Variants in C17orf113 observed in about 807,000 individuals in gnomAD.
The protein encoded by C17orf113 is uncharacterized protein C17orf113.
In C17orf113, 5 loss-of-function variants were observed where a neutral mutation model predicts 11.6. The ratio of observed to expected loss-of-function variants is 0.43; its 90% CI spans 0.23 to 0.91. C17orf113 has a LOEUF of 0.91. Ranked by LOEUF, C17orf113 falls within the 40% of genes least tolerant of loss-of-function variation. The pLI, the probability that C17orf113 is intolerant of heterozygous loss-of-function variation, is 0.26. For missense variants in C17orf113, 714 were observed against 841.3 expected, an observed-to-expected ratio of 0.85 and a Z score of 1.87; for synonymous variants, 327 against 390.6, an observed-to-expected ratio of 0.84 and a Z score of 1.92.
chr17:42,043,336 T>G lies in C17orf113; in HGVS notation c.41A>C (p.Asn14Thr). Residue 14 changes from asparagine (N) to threonine (T), a missense_variant, in exon 2 of 3, where the codon AAC becomes ACC. Asn to Thr is a moderately conservative substitution (Grantham distance 65). Coordinates refer to ENST00000587304, the MANE Select transcript of C17orf113 (RefSeq NM_001358661.2). ...PGKKPAGEAS[N>T]SNKKCKRYFN... ...GTAACGCTTACACTTCTTGTTGGAG[T>G]TGGAGGCCTCTCCCGCTGGTTTCTT... 8.1e-7 allele frequency: 1 copy of G among 1,232,212 alleles called. No homozygotes were observed. The highest frequency in any genetic ancestry group is 1.0e-6 in the Non-Finnish European group (1 of 988,012). 76.3% of individuals were successfully genotyped at this position (1,232,212 alleles called of 1,614,324 possible).
Position 42,043,185 on chromosome 17 carries a change from G to T in C17orf113, c.192C>A (p.Phe64Leu). 1 of 1,232,264 alleles carries T rather than the reference G, an allele frequency of 8.1e-7. No homozygotes were observed. Among genetic ancestry groups the T allele is most frequent in the Non-Finnish European group, 1.0e-6 (1 of 988,016 alleles). 76.3% of individuals were successfully genotyped at this position (1,232,264 alleles called of 1,614,324 possible). A position where few individuals can be genotyped will look rare whatever the true frequency, so the allele number is the denominator to read the frequency against. Residue 64 changes from phenylalanine to leucine, a missense_variant, in exon 2 of 3, where the codon TTC becomes TTA. Transcript: ENST00000587304. Reference sequence around the variant, plus strand: ...GCTGGAAGTTGTCTGTGCCCACAGTGAAGGCGTTTTCGGCTTTGCCATGCT... The same window carrying T: ...GCTGGAAGTTGTCTGTGCCCACAGTTAAGGCGTTTTCGGCTTTGCCATGCT... The part of the protein sequence containing the change: ...RNKHGKAENA[F>L]TVGTDNFQRH...
rs2053066874 is a variant in C17orf113 at position 42,043,147 on chromosome 17, AGCAGGGCGTGGCGCT to A, written c.215_229del (p.Gln72_Leu76del). On this transcript the variant is annotated inframe_deletion, in exon 2 of 3. Coordinates refer to ENST00000587304, the MANE Select transcript of C17orf113 (RefSeq NM_001358661.2). Reference sequence around the variant, plus strand: ...GTGGGCTCCTGAGGTCACGTGGCGCAGCAGGGCGTGGCGCTGGAAGTTGTCTGTGCCCACAGTGAA... The same window carrying A: ...GTGGGCTCCTGAGGTCACGTGGCGCAGGAAGTTGTCTGTGCCCACAGTGAA... 8.1e-7 allele frequency: 1 copy of A among 1,232,094 alleles called. No individual in the cohort carries two copies. The highest frequency in any genetic ancestry group is 1.6e-5 in the African/African-American group (1 of 64,414). The allele number at this position is 1,232,094 out of a possible 1,614,324, so 76.3% of individuals were successfully genotyped here.
intron 2 of C17orf113, among the ~76,000 whole-genome samples, chr17:42,041,685 C>G (rs1200157169): frequency 6.6e-6 from 1 of 152,144 alleles, no homozygotes; most frequent in African/African-American, 2.4e-5. Flanking sequence ...TAGGCACACT[C>G]ACTCCCAACT....
rs561004643 is a variant in C17orf113 at position 42,047,124 on chromosome 17, C to T, written c.-188+3433G>A. 3.5e-3 allele frequency among the ~76,000 whole-genome samples: 529 copies of T among 151,716 alleles called. 6 individuals carry two copies. Among genetic ancestry groups the T allele is most frequent in the African/African-American group, 0.012 (481 of 41,370 alleles). Reference sequence around the variant, plus strand: ...TCGGCTCACTGCAAACCCCACCTCCCGGGTTCACGCCATTCTCCTGCCTCA... The same window carrying T: ...TCGGCTCACTGCAAACCCCACCTCCTGGGTTCACGCCATTCTCCTGCCTCA... On this transcript the variant is annotated intron_variant, in intron 1 of 2. Coordinates refer to ENST00000587304, the MANE Select transcript of C17orf113 (RefSeq NM_001358661.2).
rs2053009594 is a variant in C17orf113 at position 42,041,130 on chromosome 17, A to G, written c.603T>C (p.Tyr201=). ...TGGTCTCGTCCAACACCAGCCCCACATATGGGGATGCCTTCAGGCGCTGGC... is the reference window on the plus strand; with the variant it reads ...TGGTCTCGTCCAACACCAGCCCCACGTATGGGGATGCCTTCAGGCGCTGGC... ...EACQRLKASP[Y]VGLVLDETRD... is the part of the protein sequence containing the mutation. The change falls in exon 3 of 3, where the codon TAT becomes TAC. Residue 201 remains tyrosine (Y), a synonymous_variant. Transcript: ENST00000587304. 8.1e-7 allele frequency: 1 copy of G among 1,232,162 alleles called. No homozygotes were observed. Among genetic ancestry groups the G allele is most frequent in the African/African-American group, 1.6e-5 (1 of 64,428 alleles). 76.3% of individuals were successfully genotyped at this position (1,232,162 alleles called of 1,614,324 possible). A position where few individuals can be genotyped will look rare whatever the true frequency, so the allele number is the denominator to read the frequency against.
chr17:42,041,396 C>T (rs1208950676), intron 2 of C17orf113, among the ~76,000 whole-genome samples: 1 of 152,190 alleles, frequency 6.6e-6, no homozygotes, highest in African/African-American at 2.4e-5. Context: ...ATCTCTACAG[C>T]TCCTGGCCTG....
At chr17:42,047,870 G>A (rs1046699763) in intron 1 of C17orf113, among the ~76,000 whole-genome samples, 7 of 151,696 alleles carry the variant, frequency 4.6e-5, no homozygotes, top group Non-Finnish European at 1.0e-4. Flanking sequence ...GGTCAGGCTG[G>A]TCTCGAACTC....
At chr17:42,046,542 G>A (rs1293848032) in intron 1 of C17orf113, among the ~76,000 whole-genome samples, 2 of 152,228 alleles carry the variant, frequency 1.3e-5, no homozygotes, top group Admixed American at 6.5e-5. Flanking sequence ...CAAGGCTATA[G>A]TGAGCTATGA....
At chr17:42,047,125 G>A (rs1555656684) in intron 1 of C17orf113, among the ~76,000 whole-genome samples, 1 of 150,654 alleles carries the variant, frequency 6.6e-6, no homozygotes, top group African/African-American at 2.5e-5. Flanking sequence ...CCCACCTCCC[G>A]GGTTCACGCC....
At chr17:42,045,310 C>T (rs1367013043) in intron 1 of C17orf113, among the ~76,000 whole-genome samples, 1 of 152,258 alleles carries the variant, frequency 6.6e-6, no homozygotes, top group Non-Finnish European at 1.5e-5. Flanking sequence ...CTCGGCCTCC[C>T]AAAGTGCTGG....
intron 2 of C17orf113, 53 bp from the exon 3 acceptor site, chr17:42,041,242 A>C: frequency 8.1e-7 from 1 of 1,227,944 alleles, no homozygotes; most frequent in South Asian, 4.2e-5. Flanking sequence ...GCTTGTCCTG[A>C]GAGGCGGAGG....
At chr17:42,043,672 G>A (rs901658451) in intron 1 of C17orf113, 109 bp from the exon 2 acceptor site, 7 of 269,084 alleles carry the variant, frequency 2.6e-5, no homozygotes, top group Non-Finnish European at 6.9e-6. Context: ...CAGCTGAGGG[G>A]TGGAGGGACT....
Position 42,040,713 on chromosome 17 carries a change from G to A in C17orf113, c.1020C>T (p.Asp340=). Residue 340 remains aspartate, a synonymous_variant, in exon 3 of 3, where the codon GAC becomes GAT. Coordinates refer to ENST00000587304, the MANE Select transcript of C17orf113 (RefSeq NM_001358661.2). ...GCCCTGCCAAGTCAATAGCTGCAAG[G>A]TCCAGTGCTGCCCGGAGCTCAGGGA... ...HLVPELRAAL[D]LAAIDLAGPR... is the part of the protein sequence containing the mutation. The A allele has an allele frequency of 8.1e-7, 1 of 1,232,396 alleles. No homozygotes were observed. Among genetic ancestry groups the A allele is most frequent in the Non-Finnish European group, 1.0e-6 (1 of 988,128 alleles). 76.3% of individuals were successfully genotyped at this position (1,232,396 alleles called of 1,614,324 possible).
Position 42,039,741 on chromosome 17 carries a change from C to G in C17orf113, c.1992G>C (p.Gly664=). ...FGLAVEFLES[G]WGEGFLGSQL... Reference sequence around the variant, plus strand: ...GCGACCCCAGGAAGCCCTCTCCCCACCCACTCTCTAAGAACTCCACAGCCA... The same window carrying G: ...GCGACCCCAGGAAGCCCTCTCCCCAGCCACTCTCTAAGAACTCCACAGCCA... The change falls in exon 3 of 3, where the codon GGG becomes GGC. Residue 664 remains glycine (G), a synonymous_variant. Transcript: ENST00000587304. The G allele has an allele frequency of 8.1e-7, 1 of 1,232,514 alleles. No individual in the cohort carries two copies. The highest frequency in any genetic ancestry group is 1.0e-6 in the Non-Finnish European group (1 of 988,202). 76.3% of individuals were successfully genotyped at this position (1,232,514 alleles called of 1,614,324 possible).
At position 42,039,902 on chromosome 17, in the gene C17orf113, C is replaced by T. The variant is rs1450676019; in HGVS notation, c.1831G>A (p.Ala611Thr). Reference sequence around the variant, plus strand: ...CGGCCGACCTTGTCCAGCAGGCCAGCGCCCGCGGGCAGCGCCAAAGCCAAG... The same window carrying T: ...CGGCCGACCTTGTCCAGCAGGCCAGTGCCCGCGGGCAGCGCCAAAGCCAAG... ...AALALALPAG[A>T]GLLDKVGRSR... The change falls in exon 3 of 3, where the codon GCT (alanine) becomes ACT (threonine). Residue 611 changes from alanine to threonine, a missense_variant. Transcript: ENST00000587304. 3.2e-6 allele frequency: 4 copies of T among 1,231,368 alleles called. No individual in the cohort carries two copies. The highest frequency in any genetic ancestry group is 4.0e-6 in the Non-Finnish European group (4 of 987,658). The allele number at this position is 1,231,368 out of a possible 1,614,324, so 76.3% of individuals were successfully genotyped here.
Position 42,039,696 on chromosome 17 carries a change from A to C in C17orf113, c.*9T>G, listed in dbSNP as rs1555655868. On this transcript the variant is annotated 3_prime_UTR_variant, in exon 3 of 3. Coordinates refer to ENST00000587304, the MANE Select transcript of C17orf113 (RefSeq NM_001358661.2). ...CCAGGCTGGATGGGCCGAGGGAAGG[A>C]GGCCACCCTCAGGTGAGCTGCGACC... 3.2e-6 allele frequency: 4 copies of C among 1,232,308 alleles called. No individual in the cohort carries two copies. In the East Asian group the frequency reaches 9.5e-5, roughly 29 times the overall value. 76.3% of individuals were successfully genotyped at this position (1,232,308 alleles called of 1,614,324 possible).
In C17orf113 at chr17:42,043,268, C is replaced by A. The variant is rs1429000211; in HGVS notation, c.109G>T (p.Asp37Tyr). Residue 37 changes from aspartate (D) to tyrosine (Y), a missense_variant, in exon 2 of 3, where the codon GAC becomes TAC. Physicochemically the swap from Asp to Tyr is radical, Grantham distance 160. Around this residue, in one of 3 missense-constraint regions of C17orf113, gnomAD observed 516 missense variants for 626.6 expected, o/e 0.82. Coordinates refer to ENST00000587304, the MANE Select transcript of C17orf113 (RefSeq NM_001358661.2). The part of the protein sequence containing the change: ...WKEEFTWLDF[D>Y]YERKLMFCLE... ...CAGAACATCAGCTTCCGCTCATAGT[C>A]AAAGTCCAGCCAGGTAAACTCCTCT... The A allele has an allele frequency of 4.4e-5, 54 of 1,232,144 alleles. No homozygotes were observed. The highest frequency in any genetic ancestry group is 5.4e-5 in the Non-Finnish European group (53 of 988,026). 76.3% of individuals were successfully genotyped at this position (1,232,144 alleles called of 1,614,324 possible).
At position 42,040,476 on chromosome 17, in the gene C17orf113, C is replaced by T; in HGVS notation, c.1257G>A (p.Gln419=). ...GCAAGGCCAAGTCCGGCTCTTCTGCCTGCAGGACAAGGGAGAGCTTCTGCA... is the reference window on the plus strand; with the variant it reads ...GCAAGGCCAAGTCCGGCTCTTCTGCTTGCAGGACAAGGGAGAGCTTCTGCA... ...PSVQKLSLVL[Q]AEEPDLALLQ... The change falls in exon 3 of 3, where the codon CAG becomes CAA. Residue 419 remains glutamine, a synonymous_variant. Coordinates refer to ENST00000587304, the MANE Select transcript of C17orf113 (RefSeq NM_001358661.2). The T allele has an allele frequency of 8.1e-7, 1 of 1,232,274 alleles. No homozygotes were observed. Among genetic ancestry groups the T allele is most frequent in the South Asian group, 4.1e-5 (1 of 24,322 alleles). The allele number at this position is 1,232,274 out of a possible 1,614,324, so 76.3% of individuals were successfully genotyped here. A position where few individuals can be genotyped will look rare whatever the true frequency, so the allele number is the denominator to read the frequency against.
At position 42,039,306 on chromosome 17, in the gene C17orf113, A is replaced by C; in HGVS notation, c.*399T>G. ...AAGAAACAGCCAAGGACCAAGGACC[A>C]GTGTCCGTTCCCTCAGCCACTCAAT... On this transcript the variant is annotated 3_prime_UTR_variant, in exon 3 of 3. Transcript: ENST00000587304. The C allele has an allele frequency of 5.3e-6, 1 of 189,392 alleles. No individual in the cohort carries two copies. The highest frequency in any genetic ancestry group is 2.3e-5 in the African/African-American group (1 of 43,048). The allele number at this position is 189,392 out of a possible 1,614,324, so 11.7% of individuals were successfully genotyped here.
Sources: gnomAD v4.1 joint callset for allele counts (sites outside exome capture counted in the v4.1 genomes callset) on GRCh38, gnomAD v4.1.1 for gene constraint, gnomAD v4.1.1 regional missense constraint, MANE v1.5 for transcripts, NCBI Gene and HGNC (gene_info 2026-07-23, HGNC 2026-07-21) for gene names.